The following SCHIP1 variants were observed in gnomAD, a reference collection of about 807,000 sequenced individuals.
SCHIP1 encodes the protein schwannomin-interacting protein 1.
SCHIP1 carries 8 observed loss-of-function variants against 29.7 expected under a neutral mutation model. That is an observed-to-expected ratio of 0.27 (90% CI 0.16 to 0.49). The LOEUF (loss-of-function observed/expected upper bound fraction) is 0.49. SCHIP1 is among the 20% of genes least tolerant of loss of function. The probability of loss-of-function intolerance (pLI) is 0.99; values close to 1 mark genes in which losing one functional copy is unlikely to be tolerated. For synonymous variants in SCHIP1, 76 were observed against 94.9 expected (o/e 0.80, Z 1.16); for missense variants, 193 against 294.6 (o/e 0.66, Z 2.52).
At chr3:159,736,757 C>G in the SCHIP1 span, among the ~76,000 whole-genome samples, 1 of 148,644 alleles carries the variant, frequency 6.7e-6, no homozygotes, top group South Asian at 2.1e-4. Context: ...TTTTTTGAGA[C>G]GGAGTCTCGC....
chr3:159,698,790 C>T, the SCHIP1 span, among the ~76,000 whole-genome samples: 143 of 152,134 alleles, frequency 9.4e-4, no homozygotes, highest in African/African-American at 3.0e-3. Flanking sequence ...AGGCTACAGG[C>T]GTGCACCACC....
At chr3:159,724,803 G>T in the SCHIP1 span, among the ~76,000 whole-genome samples, 1 of 152,186 alleles carries the variant, frequency 6.6e-6, no homozygotes, top group Admixed American at 6.5e-5. Flanking sequence ...GTTGTCAGTT[G>T]ACAGATTATT....
the SCHIP1 span, among the ~76,000 whole-genome samples, chr3:159,739,865 C>T: frequency 1.6e-4 from 24 of 152,328 alleles, no homozygotes; most frequent in East Asian, 1.9e-3. Context: ...TGAACAACTG[C>T]GACCAAGTCT....
chr3:159,639,277 T>G, the SCHIP1 span, among the ~76,000 whole-genome samples: 1 of 152,188 alleles, frequency 6.6e-6, no homozygotes, highest in Admixed American at 6.6e-5. Context: ...TATTGGATCT[T>G]AAATGTGTTT....
the SCHIP1 span, among the ~76,000 whole-genome samples, chr3:159,601,226 T>C: frequency 6.6e-6 from 1 of 152,158 alleles, no homozygotes; most frequent in Admixed American, 6.5e-5. Context: ...GTGTGGGTGA[T>C]AGCAGTAGCA....
chr3:159,339,621 C>T, the SCHIP1 span, among the ~76,000 whole-genome samples: 1 of 152,118 alleles, frequency 6.6e-6, no homozygotes, highest in African/African-American at 2.4e-5. Flanking sequence ...GATAGATGTG[C>T]CTTCATGCAT....
the SCHIP1 span, among the ~76,000 whole-genome samples, chr3:159,628,810 G>A: frequency 6.6e-6 from 1 of 152,008 alleles, no homozygotes; most frequent in Admixed American, 6.6e-5. Flanking sequence ...CATAAAATCT[G>A]AAATATTAAA....
chr3:159,716,276 G>A, the SCHIP1 span, among the ~76,000 whole-genome samples: 1 of 152,148 alleles, frequency 6.6e-6, no homozygotes, highest in Non-Finnish European at 1.5e-5. Context: ...GGAACAACTG[G>A]TATCAGCCAC....
chr3:159,749,889 A>G, the SCHIP1 span, among the ~76,000 whole-genome samples: 65,025 of 151,966 alleles, frequency 0.43, 15,007 homozygotes, highest in Middle Eastern at 0.55. Flanking sequence ...GATTATTTAT[A>G]GGCTATTAGT....
At chr3:159,508,965 C>T in the SCHIP1 span, among the ~76,000 whole-genome samples, 4 of 152,308 alleles carry the variant, frequency 2.6e-5, no homozygotes, top group African/African-American at 9.6e-5. Flanking sequence ...GTGGAGAGTT[C>T]TGTAGATGTC....
At chr3:159,838,006 G>A (rs893891712), upstream of SCHIP1, among the ~76,000 whole-genome samples, 1 of 152,132 alleles carries the variant, frequency 6.6e-6, no homozygotes, top group African/African-American at 2.4e-5. Context: ...GAAGGATTAG[G>A]GCAGTGAGCT....
the SCHIP1 span, chr3:159,273,971 CTT>C: frequency 7.7e-6 from 12 of 1,549,886 alleles, no homozygotes; most frequent in Non-Finnish European, 1.0e-5. Context: ...AACTAAGTAA[CTT>C]TAAATTTAAG....
At chr3:159,864,566 G>A (rs1714416923) in intron 1 of SCHIP1, among the ~76,000 whole-genome samples, 1 of 151,408 alleles carries the variant, frequency 6.6e-6, no homozygotes, top group South Asian at 2.1e-4. Flanking sequence ...CTAAAAGGGG[G>A]TGCTATATAT....
At chr3:159,313,807 T>C in the SCHIP1 span, among the ~76,000 whole-genome samples, 3 of 152,310 alleles carry the variant, frequency 2.0e-5, no homozygotes, top group South Asian at 4.1e-4. Context: ...AATCTGCAAC[T>C]GGTCCTCATT....
the SCHIP1 span, among the ~76,000 whole-genome samples, chr3:159,275,861 T>C: frequency 6.6e-6 from 1 of 152,156 alleles, no homozygotes; most frequent in Admixed American, 6.5e-5. Flanking sequence ...ATTCTGGTGG[T>C]AGCAGATGTA....
chr3:159,399,563 C>A, the SCHIP1 span, among the ~76,000 whole-genome samples: 1 of 152,226 alleles, frequency 6.6e-6, no homozygotes, highest in South Asian at 2.1e-4. Context: ...CCAGAATCTC[C>A]ATGTGGGAGC....
intron 2 of SCHIP1, among the ~76,000 whole-genome samples, chr3:159,883,308 C>T (rs1716633456): frequency 6.6e-6 from 1 of 152,146 alleles, no homozygotes; most frequent in Non-Finnish European, 1.5e-5. Context: ...AGGCACCCTG[C>T]AGCCTGAATT....
At chr3:159,501,288 TG>T in the SCHIP1 span, among the ~76,000 whole-genome samples, 1 of 152,324 alleles carries the variant, frequency 6.6e-6, no homozygotes, top group African/African-American at 2.4e-5. Context: ...TTAAAAAGGA[TG>T]GTAAACAGTT....
the SCHIP1 span, among the ~76,000 whole-genome samples, chr3:159,653,165 T>C: frequency 2.0e-5 from 3 of 152,214 alleles, no homozygotes; most frequent in Admixed American, 2.0e-4. Flanking sequence ...TTAACCATTG[T>C]GGAAGACAGT....
Sources: allele counts gnomAD v4.1 joint callset (sites outside exome capture counted in the v4.1 genomes callset), GRCh38; gene constraint gnomAD v4.1.1; transcripts MANE v1.5; gene names NCBI Gene and HGNC (gene_info 2026-07-23, HGNC 2026-07-21).